POLE: variants seen among roughly 807,000 people sequenced by gnomAD.
POLE encodes DNA polymerase epsilon catalytic subunit A.
POLE carries 188 observed loss-of-function variants against 279.2 expected under a neutral mutation model. The ratio of observed to expected loss-of-function variants is 0.67; its 90% confidence interval spans 0.60 to 0.76. POLE has a LOEUF of 0.76. POLE is among the 30% of genes least tolerant of loss of function. The pLI is 0.00. For missense variants in POLE, 2,703 were observed against 3,016.7 expected (o/e 0.90, Z 2.44); for synonymous variants, 1,214 against 1,172.5 (o/e 1.04, Z -0.72).
At chr12:132,636,440 GGAAAAAAAAAAAAAA>G (rs1260236887) in intron 41 of POLE, among the ~76,000 whole-genome samples, 5 of 70,366 alleles carry the variant, frequency 7.1e-5, no homozygotes, top group East Asian at 3.7e-4. Context: ...ATCCATTTAA[GGAAAAAAAAAAAAAA>G]AAAAAAAAAA....
rs999637969 is a variant in POLE at position 132,623,895 on chromosome 12, C to T, written c.*802G>A. 8 of 191,654 alleles carry T rather than the reference C, an allele frequency of 4.2e-5. No homozygotes were observed. The highest frequency in any genetic ancestry group is 5.4e-5 in the Non-Finnish European group (5 of 91,792). 11.9% of individuals were successfully genotyped at this position (191,654 alleles called of 1,614,324 possible). A position where few individuals can be genotyped will look rare whatever the true frequency, so the allele number is the denominator to read the frequency against. On this transcript the variant is annotated 3_prime_UTR_variant, in exon 49 of 49. Transcript: ENST00000320574. The stretch of plus-strand genomic sequence containing the variant: ...CCTGGGGAGCCTGTGGGGCCCCCTC[C>T]CTCCTGTGAGGCTCTCGTCTGGGGT...
intron 6 of POLE, 23 bp downstream of exon 6, chr12:132,679,474 T>G (rs1352047344): frequency 6.3e-7 from 1 of 1,591,054 alleles, no homozygotes; most frequent in South Asian, 1.1e-5. Flanking sequence ...CGCTGATGCT[T>G]TGCTCACAAG....
At chr12:132,682,551 G>A (rs947361781) in intron 1 of POLE, among the ~76,000 whole-genome samples, 2 of 152,072 alleles carry the variant, frequency 1.3e-5, no homozygotes, top group Non-Finnish European at 2.9e-5. Flanking sequence ...CAATTTCTTA[G>A]TTGTGACAAT....
chr12:132,641,919 G>A, intron 38 of POLE, 68 bp from the exon 39 acceptor site: 1 of 1,473,462 alleles, frequency 6.8e-7, no homozygotes, highest in Non-Finnish European at 9.3e-7. Context: ...CCCTGGGCCT[G>A]ACTCCAGCCA....
In POLE at chr12:132,659,478, T is replaced by C. The variant is rs2042631965; in HGVS notation, c.3092A>G (p.Glu1031Gly). The C allele has an allele frequency of 1.9e-6, 3 of 1,614,086 alleles. No homozygotes were observed. The highest frequency in any genetic ancestry group is 1.7e-6 in the Non-Finnish European group (2 of 1,180,016). Residue 1031 changes from glutamate (E) to glycine (G), a missense_variant, in exon 26 of 49, where the codon GAG becomes GGG. Glu to Gly is a moderately conservative substitution (Grantham distance 98). This residue lies in a region of POLE where 1,551 missense variants were observed against 1,686.1 expected (regional missense o/e 0.92). Transcript: ENST00000320574. ...AANMPDSELF[E>G]LISENRSMSR... ...CATGGAACGGTTCTCAGAGATGAGC[T>C]CGAATAGCTCAGAGTCAGGCATGTT...
chr12:132,643,762 C>G (rs1213605878), intron 33 of POLE, 75 bp downstream of exon 33: 2 of 1,543,090 alleles, frequency 1.3e-6, no homozygotes, highest in Middle Eastern at 1.9e-4. Flanking sequence ...AGCCCACACC[C>G]TGGGCGGGTT....
At position 132,650,337 on chromosome 12, in the gene POLE, G is replaced by A. The variant is rs5744895; in HGVS notation, c.3583-448C>T. The A allele has an allele frequency of 0.011, 1,993 of 176,296 alleles. 51 individuals are homozygous for A. The highest frequency in any genetic ancestry group is 0.044 in the African/African-American group (1,854 of 42,006). The allele number at this position is 176,296 out of a possible 1,614,324, so 10.9% of individuals were successfully genotyped here. ...TATTGAACCTTTAATAGTGAAGGCC[G>A]GGTGTGGTGGCTCACGCCTGTCATC... is the stretch of plus-strand genomic sequence containing the variant. On this transcript the variant is annotated intron_variant, in intron 29 of 48. Transcript: ENST00000320574.
rs1288614281 is a variant in POLE at position 132,664,496 on chromosome 12, G to A, written c.2469-34C>T. 2 of 1,529,554 alleles carry A rather than the reference G, an allele frequency of 1.3e-6. No individual in the cohort carries two copies. The highest frequency in any genetic ancestry group is 9.1e-7 in the Non-Finnish European group (1 of 1,104,020). 94.7% of individuals were successfully genotyped at this position (1,529,554 alleles called of 1,614,324 possible). ...ACACCACAAACTGGTGGGTGGGGCT[G>A]GCATGGCTCCTCCAGGGGGTATCAG... On this transcript the variant is annotated intron_variant, in intron 21 of 48. Transcript: ENST00000320574. This position sits in a 1 kb window ranked among gnomAD's most constrained non-coding sequence, Gnocchi z 5.3.
At position 132,643,108 on chromosome 12, in the gene POLE, T is replaced by G. The variant is rs2042191710; in HGVS notation, c.4552-112A>C. 8 of 1,474,534 alleles carry G rather than the reference T, an allele frequency of 5.4e-6. No homozygotes were observed. The South Asian group carries it at 8.7e-5, about 16-fold the overall frequency. The allele number at this position is 1,474,534 out of a possible 1,614,324, so 91.3% of individuals were successfully genotyped here. ...CTGCCAATTCAATCACGACAAGCAC[T>G]CATGGGCAAAGGCCCTTGAGGACAA... On this transcript the variant is annotated intron_variant, in intron 35 of 48. Transcript: ENST00000320574.
Position 132,643,932 on chromosome 12 carries a change from C to T in POLE, c.4195G>A (p.Glu1399Lys), listed in dbSNP as rs5744935. Residue 1399 changes from glutamate (E) to lysine (K), a missense_variant, in exon 33 of 49, where the codon GAG becomes AAG. Glu to Lys is a moderately conservative substitution (Grantham distance 56, BLOSUM62 1). Transcript: ENST00000320574. ...PRSNMVYNLY[E>K]YSVPEDMYQE... ...TACATGTCCTCTGGCACTGAATACT[C>T]ATAGAGATTGTAGACCATGTTGGAG... The T allele has an allele frequency of 6.2e-7, 1 of 1,614,080 alleles. No homozygotes were observed. The highest frequency in any genetic ancestry group is 8.5e-7 in the Non-Finnish European group (1 of 1,179,948).
rs1035102321 is a variant in POLE, at chr12:132,626,302, T to A, written c.6346A>T (p.Thr2116Ser). ...KYVCKVLSLD[T>S]NITNQVNKLN... ...TTATTCACCTGGTTTGTGATGTTGG[T>A]GTCCAGGGACAGCACCTGCAGAGAC... Residue 2116 changes from threonine to serine, a missense_variant, in exon 46 of 49, where the codon ACC (threonine) becomes TCC (serine). Around this residue, in one of 5 missense-constraint regions of POLE, gnomAD observed 1,551 missense variants for 1,686.1 expected, o/e 0.92. Coordinates refer to ENST00000320574, the MANE Select transcript of POLE (RefSeq NM_006231.4). 1 of 1,613,560 alleles carries A rather than the reference T, an allele frequency of 6.2e-7. No individual in the cohort carries two copies. Among genetic ancestry groups the A allele is most frequent in the Admixed American group, 1.7e-5 (1 of 60,004 alleles).
intron 19 of POLE, among the ~76,000 whole-genome samples, chr12:132,667,857 G>A (rs904845343): frequency 3.3e-5 from 5 of 152,226 alleles, no homozygotes; most frequent in East Asian, 1.9e-4. Flanking sequence ...CGAGGCAGGC[G>A]GATCACTTGA....
chr12:132,667,089 G>C (rs140927573), intron 20 of POLE, among the ~76,000 whole-genome samples: 4 of 152,280 alleles, frequency 2.6e-5, no homozygotes, highest in Non-Finnish European at 5.9e-5. Context: ...AAATACGTCA[G>C]TTAAACACGA....
At chr12:132,680,458 G>A (rs1234799806) in intron 3 of POLE, 149 bp downstream of exon 3, 9 of 690,608 alleles carry the variant, frequency 1.3e-5, no homozygotes, top group Admixed American at 5.0e-5. Context: ...GACATCTTAC[G>A]TGATGACTGA....
chr12:132,624,268 C>T lies in POLE; in HGVS notation c.*429G>A, dbSNP rs5745087. The stretch of plus-strand genomic sequence containing the variant: ...CCACCAGGGCCTTGGGAACCCGTCT[C>T]GTCTCAGAGCCCAATCTCAGGGAGC... On this transcript the variant is annotated 3_prime_UTR_variant, in exon 49 of 49. Coordinates refer to ENST00000320574, the MANE Select transcript of POLE (RefSeq NM_006231.4). The T allele has an allele frequency of 1.9e-5, 5 of 263,790 alleles. No homozygotes were observed. The highest frequency in any genetic ancestry group is 1.0e-4 in the South Asian group (1 of 9,824). 16.3% of individuals were successfully genotyped at this position (263,790 alleles called of 1,614,324 possible).
rs747006780 is a variant in POLE at position 132,643,206 on chromosome 12, G to T, written c.4551+18C>A. 4 of 1,608,886 alleles carry T rather than the reference G, an allele frequency of 2.5e-6. No homozygotes were observed. Among genetic ancestry groups the T allele is most frequent in the Non-Finnish European group, 3.4e-6 (4 of 1,176,006 alleles). The stretch of plus-strand genomic sequence containing the variant: ...CCTGCCCCAGCCAATGTGCTGCCAT[G>T]GAGGGCCCAGGACTCACAGTGTCCA... On this transcript the variant is annotated intron_variant, in intron 35 of 48. Coordinates refer to ENST00000320574, the MANE Select transcript of POLE (RefSeq NM_006231.4).
intron 31 of POLE, 88 bp from the exon 32 acceptor site, chr12:132,649,160 G>A (rs2042357235): frequency 6.5e-7 from 1 of 1,536,058 alleles, no homozygotes; most frequent in Non-Finnish European, 8.9e-7. Flanking sequence ...GCAGCTCCCA[G>A]CACAGGGCCT....
In POLE at chr12:132,677,671, C is replaced by G. The variant is rs753440288; in HGVS notation, c.627G>C (p.Lys209Asn). ...GVITDEEETSKKIADQLDNIV... is the reference protein window; with the variant it reads ...GVITDEEETSNKIADQLDNIV... Reference sequence around the variant, plus strand: ...TGTTGTCCAACTGGTCAGCTATCTTCTTAGAGGTTTCCTCTTCATCAGTAA... The same window carrying G: ...TGTTGTCCAACTGGTCAGCTATCTTGTTAGAGGTTTCCTCTTCATCAGTAA... The change falls in exon 7 of 49, where the codon AAG (lysine) becomes AAC (asparagine). Residue 209 changes from lysine (K) to asparagine (N), a missense_variant. Physicochemically the swap from Lys to Asn is moderately conservative, Grantham distance 94 (BLOSUM62 0). Coordinates refer to ENST00000320574, the MANE Select transcript of POLE (RefSeq NM_006231.4). 10 of 1,614,054 alleles carry G rather than the reference C, an allele frequency of 6.2e-6. No individual in the cohort carries two copies. The East Asian group carries it at 1.8e-4, about 29-fold the overall frequency.
chr12:132,625,327 T>TGCCCCTCGGCAAGACC (rs781355816), intron 47 of POLE: 1 of 724,498 alleles, frequency 1.4e-6, no homozygotes. Context: ...TCTGCTCAGA[T>TGCCCCTCGGCAAGACC]GCCCCTCGGC....
Sources: gnomAD v4.1 joint callset for allele counts (sites outside exome capture counted in the v4.1 genomes callset) on GRCh38, gnomAD v4.1.1 for gene constraint, gnomAD v4.1.1 regional missense constraint, Gnocchi (gnomAD v3.1) non-coding constraint, MANE v1.5 for transcripts, NCBI Gene and HGNC (gene_info 2026-07-23, HGNC 2026-07-21) for gene names.